The following CCSER1 variants were observed in gnomAD, a reference collection of about 807,000 sequenced individuals.
The protein encoded by CCSER1 is coiled-coil serine rich protein 1.
In CCSER1, 41 loss-of-function variants were observed where a neutral mutation model predicts 82.0. That is an observed-to-expected ratio of 0.50 (90% CI 0.39 to 0.65). The LOEUF (loss-of-function observed/expected upper bound fraction) is 0.65, where lower values mean the gene tolerates loss of function less well. Among genes scored for constraint, CCSER1 ranks in the 30% least tolerant of loss-of-function variants. CCSER1 has a pLI of 0.00. For synonymous variants in CCSER1, 414 were observed against 383.9 expected (o/e 1.08, Z -0.92); for missense variants, 1,119 against 1,064.2 (o/e 1.05, Z -0.72).
chr4:91,508,344 G>A lies in CCSER1; in HGVS notation c.2218-90228G>A, dbSNP rs150796345. Among the ~76,000 whole-genome samples, 590 of 151,472 alleles carry A rather than the reference G, an allele frequency of 3.9e-3. 23 individuals are homozygous for A. In the East Asian group the frequency reaches 0.092, roughly 24 times the overall value. ...TGGCGCATTTATCCAATATCTTATA[G>A]CATCTATTGAGATGATCATGTGGTT... On this transcript the variant is annotated intron_variant, in intron 10 of 10. Transcript: ENST00000509176.
intron 1 of CCSER1, among the ~76,000 whole-genome samples, chr4:90,178,002 A>T: frequency 6.6e-6 from 1 of 152,114 alleles, no homozygotes; most frequent in Non-Finnish European, 1.5e-5. Context: ...ACCAGAAAGT[A>T]TATTGGAAAT....
chr4:90,852,608 GGCTCTAACCCTTTACTGACAAA>G (rs1561249840), intron 8 of CCSER1, among the ~76,000 whole-genome samples: 1 of 152,140 alleles, frequency 6.6e-6, no homozygotes, highest in East Asian at 1.9e-4. Flanking sequence ...CTCTGGCAAC[GGCTCTAACCCTTTACTGACAAA>G]GCTTAACATC....
chr4:90,571,180 A>G (rs755074016), intron 5 of CCSER1, among the ~76,000 whole-genome samples: 4 of 152,214 alleles, frequency 2.6e-5, no homozygotes, highest in Non-Finnish European at 4.4e-5. Flanking sequence ...GAGATTTCTC[A>G]AAGAACTAAA....
At chr4:91,217,319 G>A (rs561524239) in intron 10 of CCSER1, among the ~76,000 whole-genome samples, 1 of 152,180 alleles carries the variant, frequency 6.6e-6, no homozygotes, top group African/African-American at 2.4e-5. Flanking sequence ...GAGCCCAGTG[G>A]CCTGTTTTGT....
intron 4 of CCSER1, among the ~76,000 whole-genome samples, chr4:90,424,181 C>CTT (rs11379379): frequency 1.1e-4 from 16 of 151,706 alleles, no homozygotes; most frequent in African/African-American, 2.9e-4. Context: ...TGATTAGCAA[C>CTT]TTTTTTTTCT....
intron 6 of CCSER1, among the ~76,000 whole-genome samples, chr4:90,667,104 A>G (rs760209366): frequency 6.6e-6 from 1 of 152,162 alleles, no homozygotes; most frequent in Non-Finnish European, 1.5e-5. Flanking sequence ...AGTCTGGAGC[A>G]TGTAAGGTCC....
intron 5 of CCSER1, among the ~76,000 whole-genome samples, chr4:90,627,637 A>G (rs1157356982): frequency 6.6e-6 from 1 of 152,066 alleles, no homozygotes; most frequent in African/African-American, 2.4e-5. Flanking sequence ...CTAAATGTAT[A>G]TTTGAACCAT....
intron 10 of CCSER1, among the ~76,000 whole-genome samples, chr4:91,385,322 A>G (rs1751214640): frequency 6.6e-6 from 1 of 152,076 alleles, no homozygotes; most frequent in African/African-American, 2.4e-5. Context: ...GCAAAAAAGA[A>G]CATGTAGTAT....
chr4:91,266,481 G>A (rs987096283), intron 10 of CCSER1, among the ~76,000 whole-genome samples: 1 of 151,990 alleles, frequency 6.6e-6, no homozygotes, highest in Non-Finnish European at 1.5e-5. Flanking sequence ...TCGATCTCCT[G>A]ATGTCGTGAT....
chr4:90,335,745 A>G (rs1740273398), intron 3 of CCSER1, among the ~76,000 whole-genome samples: 3 of 152,160 alleles, frequency 2.0e-5, no homozygotes, highest in African/African-American at 7.2e-5. Context: ...TAGTCATTAA[A>G]ATTCTTTCTC....
intron 9 of CCSER1, among the ~76,000 whole-genome samples, chr4:90,934,942 G>T (rs1020028034): frequency 6.6e-6 from 1 of 151,088 alleles, no homozygotes; most frequent in East Asian, 1.9e-4. Context: ...ACACACACAC[G>T]CACACACACA....
intron 6 of CCSER1, among the ~76,000 whole-genome samples, chr4:90,638,049 C>G (rs909613079): frequency 1.3e-5 from 2 of 152,100 alleles, no homozygotes; most frequent in Non-Finnish European, 2.9e-5. Context: ...AAGCCCTACT[C>G]TAACTTGAAA....
chr4:91,315,586 T>C (rs540665990), intron 10 of CCSER1, among the ~76,000 whole-genome samples: 2 of 152,084 alleles, frequency 1.3e-5, no homozygotes, highest in East Asian at 3.9e-4. Context: ...TTCATTGAAC[T>C]GAAGTGGAGC....
At chr4:90,934,637 T>C (rs554710219) in intron 9 of CCSER1, among the ~76,000 whole-genome samples, 6 of 152,164 alleles carry the variant, frequency 3.9e-5, no homozygotes, top group South Asian at 4.1e-4. Flanking sequence ...CTATTAAAAA[T>C]TGGGGGACTA....
At chr4:90,793,101 T>A (rs1755495928) in intron 7 of CCSER1, among the ~76,000 whole-genome samples, 1 of 152,266 alleles carries the variant, frequency 6.6e-6, no homozygotes, top group Non-Finnish European at 1.5e-5. Flanking sequence ...GTGTTTGATG[T>A]CTTTGAATAC....
intron 1 of CCSER1, among the ~76,000 whole-genome samples, chr4:90,257,025 T>C (rs932300482): frequency 4.0e-5 from 6 of 151,780 alleles, no homozygotes; most frequent in Non-Finnish European, 7.4e-5. Context: ...GTTTCAGGCA[T>C]CCACTGCGGG....
chr4:91,526,475 C>T (rs1760769671), intron 10 of CCSER1, among the ~76,000 whole-genome samples: 1 of 152,166 alleles, frequency 6.6e-6, no homozygotes, highest in Non-Finnish European at 1.5e-5. Context: ...AGGGCTGTGT[C>T]ATGGGCCATG....
chr4:90,184,397 T>C (rs1004862519), intron 1 of CCSER1, among the ~76,000 whole-genome samples: 5 of 152,096 alleles, frequency 3.3e-5, no homozygotes, highest in Non-Finnish European at 7.4e-5. Flanking sequence ...TGGCTGAAGA[T>C]CTGACTGACT....
intron 3 of CCSER1, among the ~76,000 whole-genome samples, chr4:90,362,769 G>A (rs989608612): frequency 4.6e-5 from 7 of 152,182 alleles, no homozygotes; most frequent in Admixed American, 6.5e-5. Context: ...GGAGTTTCTG[G>A]TAAAGCAGAA....
Sources: allele counts gnomAD v4.1 joint callset (sites outside exome capture counted in the v4.1 genomes callset), GRCh38; gene constraint gnomAD v4.1.1; transcripts MANE v1.5; gene names NCBI Gene and HGNC (gene_info 2026-07-23, HGNC 2026-07-21).